The following RAP1GAP2 variants were observed in gnomAD, a reference collection of about 807,000 sequenced individuals.
The protein encoded by RAP1GAP2 is RAP1 GTPase activating protein 2.
A neutral mutation model predicts 95.0 loss-of-function variants in RAP1GAP2; 27 were observed. The observed-to-expected ratio is 0.28, with a 90% CI of 0.21 to 0.39. RAP1GAP2 has a LOEUF of 0.39. Ranked by LOEUF, RAP1GAP2 falls within the 10% of genes least tolerant of loss-of-function variation. The pLI is 1.00. For missense variants in RAP1GAP2, 771 were observed against 970.0 expected (o/e 0.79, Z 2.72); for synonymous variants, 373 against 380.9 (o/e 0.98, Z 0.24).
In RAP1GAP2 at chr17:2,825,904, C is replaced by T. The variant is rs1024957822; in HGVS notation, c.80+25354C>T. Among the ~76,000 whole-genome samples the T allele has an allele frequency of 8.6e-5, 13 of 151,576 alleles. No homozygotes were observed. The highest frequency in any genetic ancestry group is 1.2e-4 in the African/African-American group (5 of 41,250). On this transcript the variant is annotated intron_variant, in intron 2 of 24. Transcript: ENST00000254695. This position sits in a 1 kb window ranked among gnomAD's most constrained non-coding sequence, Gnocchi z 4.1. ...AGGGAAGGCTTCTTGAAGGAGGCGG[C>T]GCTGGAAGGTTGAAAAGGAATCCCT...
chr17:2,905,678 G>T (rs2042174648), intron 3 of RAP1GAP2, among the ~76,000 whole-genome samples: 1 of 152,218 alleles, frequency 6.6e-6, no homozygotes, highest in African/African-American at 2.4e-5. Context: ...ATAGAAGGCA[G>T]CTGCCCAGAA....
At chr17:2,969,015 A>T (rs537196496) in intron 8 of RAP1GAP2, among the ~76,000 whole-genome samples, 34 of 152,096 alleles carry the variant, frequency 2.2e-4, no homozygotes, top group Non-Finnish European at 4.7e-4. Context: ...TAGTATATGT[A>T]TATGTACACA....
intron 2 of RAP1GAP2, among the ~76,000 whole-genome samples, chr17:2,811,870 C>CAT (rs2069781954): frequency 1.3e-5 from 2 of 152,038 alleles, no homozygotes; most frequent in African/African-American, 4.8e-5. Flanking sequence ...TGAGCCACTG[C>CAT]GCCTGGCCTG....
chr17:2,962,814 C>T, intron 5 of RAP1GAP2, 100 bp downstream of exon 5: 2 of 1,160,390 alleles, frequency 1.7e-6, no homozygotes, highest in Middle Eastern at 2.9e-4. Context: ...TCTTCTGTCT[C>T]ACACCTGTCT....
At chr17:2,949,338 C>T (rs4790395) in intron 3 of RAP1GAP2, among the ~76,000 whole-genome samples, 136,592 of 151,974 alleles carry the variant, frequency 0.9, 62,687 homozygotes, top group Non-Finnish European at 1. Context: ...TGGATGGAGA[C>T]CCCTTCCGGA....
chr17:3,006,021 G>C lies in RAP1GAP2; in HGVS notation c.1339G>C (p.Asp447His), dbSNP rs1194445663. The C allele has an allele frequency of 6.2e-7, 1 of 1,613,542 alleles. No homozygotes were observed. The highest frequency in any genetic ancestry group is 8.5e-7 in the Non-Finnish European group (1 of 1,179,752). Residue 447 changes from aspartate (D) to histidine (H), a missense_variant, in exon 16 of 25, where the codon GAC becomes CAC. Coordinates refer to ENST00000254695, the MANE Select transcript of RAP1GAP2 (RefSeq NM_015085.5). ...TGCCGAGAACGCCTGCTGCAAGTCG[G>C]ACAAGTTTGCAAAGCTGGAGGTGAG... ...TNAENACCKS[D>H]KFAKLEDRTR...
At chr17:2,815,222 G>C (rs970765035) in intron 2 of RAP1GAP2, among the ~76,000 whole-genome samples, 1 of 152,088 alleles carries the variant, frequency 6.6e-6, no homozygotes, top group African/African-American at 2.4e-5. Context: ...AACCAGTGCC[G>C]TTTAAAGCAC....
intron 1 of RAP1GAP2, among the ~76,000 whole-genome samples, chr17:2,765,876 C>T (rs748871130): frequency 2.6e-5 from 4 of 151,928 alleles, no homozygotes; most frequent in East Asian, 1.9e-4. Context: ...GGCTGAGGCT[C>T]GAGAATTGCT....
intron 2 of RAP1GAP2, among the ~76,000 whole-genome samples, chr17:2,821,729 G>T (rs1003211587): frequency 1.3e-5 from 2 of 152,046 alleles, no homozygotes; most frequent in Non-Finnish European, 2.9e-5. Context: ...GCAGCTCCTC[G>T]GTTGCACTAG....
chr17:3,026,820 AGAGCAG>A, intron 21 of RAP1GAP2, 118 bp from the exon 22 acceptor site: 1 of 1,266,704 alleles, frequency 7.9e-7, no homozygotes, highest in East Asian at 2.6e-5. Flanking sequence ...CAGGAAAGAA[AGAGCAG>A]GCCCAAGTGG....
At chr17:2,852,899 C>A (rs1302822491) in intron 2 of RAP1GAP2, among the ~76,000 whole-genome samples, 2 of 152,056 alleles carry the variant, frequency 1.3e-5, no homozygotes, top group African/African-American at 4.8e-5. Context: ...TCCGACCTTC[C>A]GCCCTTCCTT....
chr17:2,809,732 G>C (rs1350606261), intron 2 of RAP1GAP2, among the ~76,000 whole-genome samples: 1 of 152,184 alleles, frequency 6.6e-6, no homozygotes, highest in East Asian at 1.9e-4. Context: ...TCTGGAGAAA[G>C]ACTCGTGCCT....
chr17:2,874,965 T>C (rs549266620), intron 2 of RAP1GAP2, among the ~76,000 whole-genome samples: 1 of 152,140 alleles, frequency 6.6e-6, no homozygotes, highest in African/African-American at 2.4e-5. Flanking sequence ...AGAAAATTAA[T>C]ATAGAGAGTT....
chr17:2,982,731 A>G (rs2045412669), intron 10 of RAP1GAP2, among the ~76,000 whole-genome samples: 1 of 151,796 alleles, frequency 6.6e-6, no homozygotes, highest in African/African-American at 2.4e-5. Context: ...CGGTTTGGCA[A>G]TTTTGGTTGT....
At chr17:2,780,199 C>A (rs142349278) in intron 1 of RAP1GAP2, among the ~76,000 whole-genome samples, 1 of 152,140 alleles carries the variant, frequency 6.6e-6, no homozygotes, top group African/African-American at 2.4e-5. Flanking sequence ...TACAGGCGTG[C>A]GCCACCACGT....
At chr17:2,794,943 T>C (rs2069028659), upstream of RAP1GAP2, among the ~76,000 whole-genome samples, 1 of 148,296 alleles carries the variant, frequency 6.7e-6, no homozygotes. Flanking sequence ...AACAGCATGA[T>C]CTTGGCTCAC....
intron 1 of RAP1GAP2, among the ~76,000 whole-genome samples, chr17:2,761,979 C>CTTTTTTTTTTT (rs901487276): frequency 9.0e-5 from 7 of 77,746 alleles, no homozygotes; most frequent in Non-Finnish European, 1.7e-4. Flanking sequence ...GTTTATATAT[C>CTTTTTTTTTTT]TTTTTTTTTT....
upstream of RAP1GAP2, among the ~76,000 whole-genome samples, chr17:2,791,685 G>A (rs2068927679): frequency 6.6e-6 from 1 of 152,028 alleles, no homozygotes; most frequent in Non-Finnish European, 1.5e-5. Flanking sequence ...GTCCGCGCTG[G>A]CCCACAGGAG....
At chr17:2,828,984 CTTTTTT>C (rs58160165) in intron 2 of RAP1GAP2, among the ~76,000 whole-genome samples, 2 of 80,824 alleles carry the variant, frequency 2.5e-5, no homozygotes, top group Non-Finnish European at 4.5e-5. Flanking sequence ...TAATTACTTG[CTTTTTT>C]TTTTTTTTTT....
Sources: gnomAD v4.1 joint callset for allele counts (sites outside exome capture counted in the v4.1 genomes callset) on GRCh38, gnomAD v4.1.1 for gene constraint, Gnocchi (gnomAD v3.1) non-coding constraint, MANE v1.5 for transcripts, NCBI Gene and HGNC (gene_info 2026-07-23, HGNC 2026-07-21) for gene names.